The following LRFN2 variants were observed in gnomAD, a reference collection of about 807,000 sequenced individuals.
LRFN2 encodes leucine-rich repeat and fibronectin type-III domain-containing protein 2.
In LRFN2, 18 loss-of-function variants were observed where a neutral mutation model predicts 37.3. The observed-to-expected ratio is 0.48, with a 90% confidence interval of 0.33 to 0.72. LRFN2 has a LOEUF of 0.72. LRFN2 is among the 30% of genes least tolerant of loss of function. The pLI is 0.02. For missense variants in LRFN2, 1,006 were observed against 1,060.7 expected, an observed-to-expected ratio of 0.95 and a Z score of 0.72; for synonymous variants, 556 against 466.6, an observed-to-expected ratio of 1.19 and a Z score of -2.47.
At chr6:40,585,135 G>C (rs1767478660) in intron 1 of LRFN2, among the ~76,000 whole-genome samples, 1 of 152,194 alleles carries the variant, frequency 6.6e-6, no homozygotes, top group South Asian at 2.1e-4. Flanking sequence ...TTCTAGACAG[G>C]AGATGGAACT....
chr6:40,506,651 G>T (rs1765550113), intron 1 of LRFN2, among the ~76,000 whole-genome samples: 1 of 152,126 alleles, frequency 6.6e-6, no homozygotes, highest in Non-Finnish European at 1.5e-5. Context: ...CTGTGTGGTG[G>T]TTTGCCCCCG....
chr6:40,509,824 G>T (rs1429655378), intron 1 of LRFN2, among the ~76,000 whole-genome samples: 1 of 151,646 alleles, frequency 6.6e-6, no homozygotes, highest in East Asian at 1.9e-4. Flanking sequence ...GGAATACTGA[G>T]CTGCGCAGGT....
intron 1 of LRFN2, among the ~76,000 whole-genome samples, chr6:40,452,750 A>G (rs571114821): frequency 6.6e-6 from 1 of 152,310 alleles, no homozygotes; most frequent in Non-Finnish European, 1.5e-5. Context: ...ACATTATGGA[A>G]TTATCCTTCT....
At chr6:40,436,798 C>A (rs1763688830) in intron 1 of LRFN2, among the ~76,000 whole-genome samples, 1 of 152,192 alleles carries the variant, frequency 6.6e-6, no homozygotes, top group Admixed American at 6.5e-5. Flanking sequence ...ATCTTCTCCA[C>A]TTGCATTGAG....
intron 2 of LRFN2, among the ~76,000 whole-genome samples, chr6:40,421,908 C>T (rs1448295009): frequency 6.6e-6 from 1 of 152,176 alleles, no homozygotes; most frequent in African/African-American, 2.4e-5. Flanking sequence ...CACGCTTTGT[C>T]ATCTCTTTCC....
At position 40,391,770 on chromosome 6, in the gene LRFN2, T is replaced by A. The variant is rs1762507586; in HGVS notation, c.*173A>T. 3.6e-6 allele frequency: 2 copies of A among 560,356 alleles called. No individual in the cohort carries two copies. The highest frequency in any genetic ancestry group is 7.8e-5 in the Admixed American group (2 of 25,734). The allele number at this position is 560,356 out of a possible 1,614,324, so 34.7% of individuals were successfully genotyped here. A position where few individuals can be genotyped will look rare whatever the true frequency, so the allele number is the denominator to read the frequency against. ...CCCTGAGCACACCCCGGCCGGGTGGTGGGGAGGTGATGTGGGTGTTGCGGG... is the reference window on the plus strand; with the variant it reads ...CCCTGAGCACACCCCGGCCGGGTGGAGGGGAGGTGATGTGGGTGTTGCGGG... On this transcript the variant is annotated 3_prime_UTR_variant, in exon 3 of 3. Transcript: ENST00000338305.
chr6:40,538,726 G>A (rs368743116), intron 1 of LRFN2, among the ~76,000 whole-genome samples: 6 of 152,222 alleles, frequency 3.9e-5, no homozygotes, highest in Admixed American at 2.0e-4. Flanking sequence ...TCCTCTCAGC[G>A]CAGCCCCTCT....
chr6:40,462,988 A>T (rs1215402921), intron 1 of LRFN2, among the ~76,000 whole-genome samples: 1 of 152,236 alleles, frequency 6.6e-6, no homozygotes, highest in Non-Finnish European at 1.5e-5. Context: ...TGGTAAAGGT[A>T]TAGACAACTT....
chr6:40,547,183 C>A (rs1766681225), intron 1 of LRFN2, among the ~76,000 whole-genome samples: 2 of 151,332 alleles, frequency 1.3e-5, no homozygotes, highest in South Asian at 2.1e-4. Flanking sequence ...CGGCTTACTG[C>A]AACCTCTGCT....
chr6:40,563,439 G>C (rs115159571), intron 1 of LRFN2, among the ~76,000 whole-genome samples: 8 of 152,054 alleles, frequency 5.3e-5, no homozygotes. Context: ...GCTGCCAGGG[G>C]CTCCCTGTCA....
chr6:40,520,894 A>G (rs1766043609), intron 1 of LRFN2, among the ~76,000 whole-genome samples: 1 of 152,022 alleles, frequency 6.6e-6, no homozygotes, highest in South Asian at 2.1e-4. Flanking sequence ...AGCAGCCAGG[A>G]GCAGGGTGGA....
chr6:40,440,109 C>G (rs1441389844), intron 1 of LRFN2, among the ~76,000 whole-genome samples: 5 of 151,394 alleles, frequency 3.3e-5, no homozygotes, highest in African/African-American at 1.2e-4. Context: ...AAACAGCAGT[C>G]TTTGGTAACA....
rs1308464347 is a variant in LRFN2 at position 40,554,572 on chromosome 6, G to A, written c.-19+32369C>T. On this transcript the variant is annotated intron_variant, in intron 1 of 2. Transcript: ENST00000338305. ...TTGCTCGCTTCCCAAGAGCAATCAC[G>A]AATGCAATGTAAAGTGGACCTCACA... 5.3e-5 allele frequency among the ~76,000 whole-genome samples: 8 copies of A among 152,264 alleles called. 1 individual carries two copies. Among genetic ancestry groups the A allele is most frequent in the East Asian group, 1.9e-4 (1 of 5,186 alleles).
At chr6:40,563,816 G>A (rs1422216416) in intron 1 of LRFN2, among the ~76,000 whole-genome samples, 2 of 152,080 alleles carry the variant, frequency 1.3e-5, no homozygotes, top group Admixed American at 6.5e-5. Flanking sequence ...TAACTTCCCT[G>A]TCCTTGTTAG....
At chr6:40,504,771 G>T (rs928182467) in intron 1 of LRFN2, among the ~76,000 whole-genome samples, 6 of 152,114 alleles carry the variant, frequency 3.9e-5, no homozygotes, top group Non-Finnish European at 7.4e-5. Context: ...AATTTCCAAA[G>T]CTCTTTCGTA....
intron 1 of LRFN2, among the ~76,000 whole-genome samples, chr6:40,478,471 G>T (rs866920172): frequency 6.6e-6 from 1 of 152,134 alleles, no homozygotes; most frequent in African/African-American, 2.4e-5. Context: ...TATACACATG[G>T]GGGAAACTGA....
intron 1 of LRFN2, among the ~76,000 whole-genome samples, chr6:40,583,243 T>A (rs1434201063): frequency 6.6e-6 from 1 of 151,766 alleles, no homozygotes; most frequent in African/African-American, 2.4e-5. Context: ...TATACACATA[T>A]AGTATATCTG....
At chr6:40,502,160 G>A (rs1351062637) in intron 1 of LRFN2, 2 of 152,234 alleles carry the variant, frequency 1.3e-5, no homozygotes, top group African/African-American at 2.4e-5. Flanking sequence ...CAGCCCTAGA[G>A]GGGAGTGTCA....
At chr6:40,472,138 C>G (rs973295940) in intron 1 of LRFN2, among the ~76,000 whole-genome samples, 1 of 152,170 alleles carries the variant, frequency 6.6e-6, no homozygotes, top group East Asian at 1.9e-4. Context: ...TGAATTCTTC[C>G]CCGGTCAACC....
Sources: gnomAD v4.1 joint callset for allele counts (sites outside exome capture counted in the v4.1 genomes callset) on GRCh38, gnomAD v4.1.1 for gene constraint, MANE v1.5 for transcripts, NCBI Gene and HGNC (gene_info 2026-07-23, HGNC 2026-07-21) for gene names.